Variants in PGM2 observed in about 807,000 individuals in gnomAD.
The protein encoded by PGM2 is phosphoglucomutase 2.
PGM2 carries 57 observed loss-of-function variants against 74.6 expected under a neutral mutation model. That is an observed-to-expected ratio of 0.76 (90% CI 0.62 to 0.95). The LOEUF is 0.95. Ranked by LOEUF, PGM2 falls within the 40% of genes least tolerant of loss-of-function variation. The pLI, the probability that PGM2 is intolerant of heterozygous loss-of-function variation, is 0.00. For synonymous variants in PGM2, 273 were observed against 260.7 expected (o/e 1.05, Z -0.46); for missense variants, 706 against 741.9 (o/e 0.95, Z 0.56).
intron 3 of PGM2, 121 bp from the exon 4 acceptor site, chr4:37,837,408 G>C: frequency 1.3e-6 from 1 of 742,626 alleles, no homozygotes; most frequent in Non-Finnish European, 2.5e-6. Flanking sequence ...AATAAATGCT[G>C]TCCTTGATCT....
Position 37,855,736 on chromosome 4 carries a change from G to A in PGM2, c.1731G>A (p.Gly577=). ...ATGCAGAGCTGTGTGCCCCACCTGG[G>A]AACAGGTATGATGTGGATGGCAGCT... is the stretch of plus-strand genomic sequence containing the variant. ...KYYAELCAPP[G]NSDPEQLKKE... The change falls in exon 13 of 14, where the codon GGG becomes GGA. Residue 577 remains glycine (G), a synonymous_variant. Transcript: ENST00000381967. 1.2e-6 allele frequency: 2 copies of A among 1,609,554 alleles called. No individual in the cohort carries two copies. Among genetic ancestry groups the A allele is most frequent in the South Asian group, 1.1e-5 (1 of 90,286 alleles).
intron 10 of PGM2, among the ~76,000 whole-genome samples, chr4:37,847,958 C>T (rs930971743): frequency 2.6e-5 from 4 of 152,216 alleles, no homozygotes; most frequent in African/African-American, 9.6e-5. Flanking sequence ...CTAATCAAAG[C>T]ATAATCGCTC....
intron 13 of PGM2, among the ~76,000 whole-genome samples, chr4:37,857,682 G>A (rs140117360): frequency 6.6e-6 from 1 of 152,082 alleles, no homozygotes; most frequent in Non-Finnish European, 1.5e-5. Flanking sequence ...AGAAGTCATG[G>A]GACTATGTAA....
At chr4:37,833,843 A>G (rs753212559) in intron 2 of PGM2, among the ~76,000 whole-genome samples, 31 of 152,186 alleles carry the variant, frequency 2.0e-4, no homozygotes, top group Non-Finnish European at 3.7e-4. Flanking sequence ...CTAAGGCACC[A>G]AGAAATTAAG....
rs778059908 is a variant in PGM2 at position 37,848,501 on chromosome 4, G to A, written c.1283-21G>A. 4 of 1,606,532 alleles carry A rather than the reference G, an allele frequency of 2.5e-6. No individual in the cohort carries two copies. In the Admixed American group the frequency reaches 5.0e-5, roughly 20 times the overall value. ...TTGACACAGTATTGTATAGATGTAT[G>A]TATGACGTGTGTTTCTGCAGGATAC... On this transcript the variant is annotated intron_variant, in intron 10 of 13. Coordinates refer to ENST00000381967, the MANE Select transcript of PGM2 (RefSeq NM_018290.4).
intron 11 of PGM2, among the ~76,000 whole-genome samples, chr4:37,849,675 C>T (rs1017849322): frequency 6.6e-6 from 1 of 152,102 alleles, no homozygotes; most frequent in Non-Finnish European, 1.5e-5. Flanking sequence ...TCCCAAAGTG[C>T]TGGGATTACA....
rs11358189 is a variant in PGM2, at chr4:37,853,359, C to CT, written c.1603-2226dup. Among the ~76,000 whole-genome samples the CT allele has an allele frequency of 4.7e-3, 591 of 125,076 alleles. 7 individuals carry two copies. The highest frequency in any genetic ancestry group is 0.015 in the African/African-American group (466 of 30,866). The allele number at this position is 125,076 out of a possible 152,430, so 82.1% of individuals were successfully genotyped here. On this transcript the variant is annotated intron_variant, in intron 12 of 13. Coordinates refer to ENST00000381967, the MANE Select transcript of PGM2 (RefSeq NM_018290.4). ...TGCTGTGTTGCCCAGGGTGATATTC[C>CT]TTTTTTTTTTTTTTTTTTTTTTTAA...
intron 6 of PGM2, among the ~76,000 whole-genome samples, chr4:37,841,158 T>TCG (rs1577676435): frequency 9.9e-6 from 1 of 101,456 alleles, no homozygotes; most frequent in African/African-American, 5.4e-5. Context: ...ATAGGAATAT[T>TCG]TGTGTGTGTG....
intron 6 of PGM2, among the ~76,000 whole-genome samples, chr4:37,843,626 T>G (rs1414636013): frequency 6.6e-6 from 1 of 151,250 alleles, no homozygotes; most frequent in Non-Finnish European, 1.5e-5. Flanking sequence ...TTTTTTTTCC[T>G]GAGACGGAGT....
At chr4:37,832,854 T>C (rs1162712457) in intron 2 of PGM2, among the ~76,000 whole-genome samples, 2 of 152,246 alleles carry the variant, frequency 1.3e-5, no homozygotes, top group Non-Finnish European at 2.9e-5. Flanking sequence ...TGTTTTATAA[T>C]AACATTTTAT....
At chr4:37,826,855 G>A (rs1725305917) in intron 1 of PGM2, 42 bp downstream of exon 1, 3 of 1,309,660 alleles carry the variant, frequency 2.3e-6, no homozygotes, top group Non-Finnish European at 3.2e-6. Flanking sequence ...GAGCGGGGCC[G>A]GGTGCTCTGC....
intron 6 of PGM2, among the ~76,000 whole-genome samples, chr4:37,841,072 G>GTGTATATATATATATATA (rs1236735442): frequency 7.0e-5 from 8 of 113,802 alleles, no homozygotes; most frequent in Non-Finnish European, 5.0e-5. Flanking sequence ...ATATGCAAGC[G>GTGTATATATATATATATA]TATATATATA....
chr4:37,857,959 A>C (rs935149282), intron 13 of PGM2, among the ~76,000 whole-genome samples: 1 of 152,196 alleles, frequency 6.6e-6, no homozygotes, highest in African/African-American at 2.4e-5. Context: ...TTTTAAAAAG[A>C]AATGGACAGT....
intron 3 of PGM2, among the ~76,000 whole-genome samples, chr4:37,836,761 C>T (rs2714554): frequency 0.33 from 50,711 of 152,016 alleles, 11,186 homozygotes; most frequent in African/African-American, 0.63. Flanking sequence ...CCATTTTCTG[C>T]GTCTTACCCT....
chr4:37,838,387 A>G (rs1236279217), intron 4 of PGM2, among the ~76,000 whole-genome samples: 1 of 152,254 alleles, frequency 6.6e-6, no homozygotes, highest in African/African-American at 2.4e-5. Flanking sequence ...TATTTGAGTA[A>G]GACTTTCATC....
At chr4:37,851,015 A>T (rs1726025743) in intron 12 of PGM2, among the ~76,000 whole-genome samples, 1 of 145,506 alleles carries the variant, frequency 6.9e-6, no homozygotes, top group African/African-American at 2.6e-5. Flanking sequence ...AAAAAGAGGA[A>T]CTAGTCATCA....
chr4:37,857,000 G>A (rs1299764276), intron 13 of PGM2, among the ~76,000 whole-genome samples: 4 of 151,410 alleles, frequency 2.6e-5, no homozygotes, highest in Non-Finnish European at 4.4e-5. Flanking sequence ...TTACACTTAC[G>A]GCATATCTCA....
chr4:37,834,353 T>A lies in PGM2; in HGVS notation c.250-265T>A, dbSNP rs534105836. 4.6e-5 allele frequency among the ~76,000 whole-genome samples: 7 copies of A among 151,746 alleles called. No individual in the cohort carries two copies. In the East Asian group the frequency reaches 9.7e-4, roughly 21 times the overall value. On this transcript the variant is annotated intron_variant, in intron 2 of 13. Transcript: ENST00000381967. Reference sequence around the variant, plus strand: ...CCCTGTCTCTGGAAAAAAAAAAAAATTTCCTAACAAAGTTGATCTGAGGTT... The same window carrying A: ...CCCTGTCTCTGGAAAAAAAAAAAAAATTCCTAACAAAGTTGATCTGAGGTT...
Position 37,861,841 on chromosome 4 carries a change from G to T in PGM2, c.*229G>T. On this transcript the variant is annotated 3_prime_UTR_variant, in exon 14 of 14. Coordinates refer to ENST00000381967, the MANE Select transcript of PGM2 (RefSeq NM_018290.4). ...AAAAAGTTGAGCTTGGACATATTTT[G>T]AATTTTTGTAAGTGAAGATTTTTAA... 1 of 386,240 alleles carries T rather than the reference G, an allele frequency of 2.6e-6. No homozygotes were observed. The highest frequency in any genetic ancestry group is 2.0e-5 in the African/African-American group (1 of 49,966). 23.9% of individuals were successfully genotyped at this position (386,240 alleles called of 1,614,324 possible).
Sources: allele counts gnomAD v4.1 joint callset (sites outside exome capture counted in the v4.1 genomes callset), GRCh38; gene constraint gnomAD v4.1.1; transcripts MANE v1.5; gene names NCBI Gene and HGNC (gene_info 2026-07-23, HGNC 2026-07-21).